The following AGBL4 variants were observed in gnomAD, a reference collection of about 807,000 sequenced individuals.
AGBL4 encodes cytosolic carboxypeptidase 6.
Under a neutral mutation model 66.4 loss-of-function variants are expected in AGBL4, and 58 were observed. The observed-to-expected ratio is 0.87, with a 90% confidence interval of 0.71 to 1.09. The LOEUF (loss-of-function observed/expected upper bound fraction) is 1.09. Ranked by LOEUF, AGBL4 falls within the 50% of genes least tolerant of loss-of-function variation. The probability of loss-of-function intolerance (pLI) is 0.00; values close to 1 mark genes in which losing one functional copy is unlikely to be tolerated. For missense variants in AGBL4, 579 were observed against 631.0 expected, an observed-to-expected ratio of 0.92 and a Z score of 0.88; for synonymous variants, 234 against 222.9, an observed-to-expected ratio of 1.05 and a Z score of -0.44.
intron 11 of AGBL4, among the ~76,000 whole-genome samples, chr1:48,551,979 A>G (rs750791592): frequency 5.9e-5 from 9 of 152,164 alleles, no homozygotes; most frequent in Non-Finnish European, 1.3e-4. Context: ...TCTGGATGAG[A>G]TAACCTTGGT....
intron 4 of AGBL4, among the ~76,000 whole-genome samples, chr1:49,212,477 A>C (rs1481553609): frequency 6.6e-6 from 1 of 152,182 alleles, no homozygotes; most frequent in East Asian, 1.9e-4. Context: ...CAGAAATTAT[A>C]TTTGCCATCT....
intron 3 of AGBL4, among the ~76,000 whole-genome samples, chr1:49,377,163 CT>C (rs2148565057): frequency 6.6e-6 from 1 of 152,176 alleles, no homozygotes; most frequent in African/African-American, 2.4e-5. Context: ...TGAACACCTA[CT>C]TTCCCCCATC....
chr1:49,507,606 G>A (rs920061226), intron 3 of AGBL4, among the ~76,000 whole-genome samples: 3 of 151,818 alleles, frequency 2.0e-5, no homozygotes, highest in Non-Finnish European at 4.4e-5. Context: ...GAAGCTGCAG[G>A]TTATTCAATT....
chr1:49,142,758 AAATT>A (rs1391772170), intron 4 of AGBL4, among the ~76,000 whole-genome samples: 1 of 152,138 alleles, frequency 6.6e-6, no homozygotes, highest in Non-Finnish European at 1.5e-5. Flanking sequence ...ATAGAAACTT[AAATT>A]AATAATAAAA....
chr1:49,744,578 C>T (rs1246977550), intron 2 of AGBL4, among the ~76,000 whole-genome samples: 4 of 151,866 alleles, frequency 2.6e-5, no homozygotes, highest in Non-Finnish European at 5.9e-5. Flanking sequence ...TGAAAGGACC[C>T]TATATATTAA....
intron 1 of AGBL4, among the ~76,000 whole-genome samples, chr1:49,938,171 C>A (rs1162301030): frequency 6.6e-6 from 1 of 151,518 alleles, no homozygotes; most frequent in Non-Finnish European, 1.5e-5. Flanking sequence ...GATATCACCA[C>A]CAATCCCACA....
intron 5 of AGBL4, among the ~76,000 whole-genome samples, chr1:49,003,877 A>G (rs1261641830): frequency 6.6e-6 from 1 of 152,150 alleles, no homozygotes; most frequent in Admixed American, 6.5e-5. Context: ...TATCACCCAA[A>G]CAGGAGCCAT....
chr1:49,591,121 C>T (rs748059077), intron 3 of AGBL4, among the ~76,000 whole-genome samples: 4 of 151,734 alleles, frequency 2.6e-5, no homozygotes, highest in Non-Finnish European at 5.9e-5. Flanking sequence ...CAGAAAAAAG[C>T]CCTCAATCTA....
intron 7 of AGBL4, among the ~76,000 whole-genome samples, chr1:48,660,433 C>T (rs1646088970): frequency 6.6e-6 from 1 of 152,192 alleles, no homozygotes; most frequent in African/African-American, 2.4e-5. Flanking sequence ...CTGTCCACAC[C>T]TTGGACCTGC....
At chr1:49,630,034 T>C (rs944653112) in intron 3 of AGBL4, among the ~76,000 whole-genome samples, 1 of 152,164 alleles carries the variant, frequency 6.6e-6, no homozygotes, top group African/African-American at 2.4e-5. Context: ...CCTTTGATGG[T>C]CCTCAGACCT....
At chr1:49,489,330 TTTTGAGAG>T in intron 3 of AGBL4, among the ~76,000 whole-genome samples, 1 of 152,128 alleles carries the variant, frequency 6.6e-6, no homozygotes, top group East Asian at 1.9e-4. Context: ...ATATGTTTTC[TTTTGAGAG>T]ATGCCTATTC....
intron 4 of AGBL4, among the ~76,000 whole-genome samples, chr1:49,095,868 A>G (rs1466502437): frequency 6.6e-6 from 1 of 151,666 alleles, no homozygotes; most frequent in Non-Finnish European, 1.5e-5. Context: ...GAGCTTCTGC[A>G]CAGCAAAAGA....
At chr1:49,572,226 T>C (rs1188841907) in intron 3 of AGBL4, among the ~76,000 whole-genome samples, 1 of 152,190 alleles carries the variant, frequency 6.6e-6, no homozygotes, top group Non-Finnish European at 1.5e-5. Context: ...CAAAAAACTT[T>C]ATTACAGATT....
Position 49,081,766 on chromosome 1 carries a change from GT to G in AGBL4, c.378-35967del, listed in dbSNP as rs199624886. ...TAGCATAGTAAAGGAAAAAGCCAAA[GT>G]TTTTTTATACCTCCAATAGAAAAGA... is the stretch of plus-strand genomic sequence containing the variant. On this transcript the variant is annotated intron_variant, in intron 4 of 13. Transcript: ENST00000371839. Among the ~76,000 whole-genome samples, 68 of 152,244 alleles carry G rather than the reference GT, an allele frequency of 4.5e-4. 1 individual carries two copies. In the East Asian group the frequency reaches 6.9e-3, roughly 16 times the overall value.
chr1:50,002,693 T>C (rs1660856218), intron 1 of AGBL4, among the ~76,000 whole-genome samples: 1 of 152,114 alleles, frequency 6.6e-6, no homozygotes. Context: ...TACATGGCCA[T>C]AGAGAACTTC....
intron 4 of AGBL4, among the ~76,000 whole-genome samples, chr1:49,171,100 ATT>A (rs2148163458): frequency 6.6e-6 from 1 of 152,324 alleles, no homozygotes; most frequent in East Asian, 1.9e-4. Flanking sequence ...TTAATGTCAC[ATT>A]GCAAAAGGGT....
intron 6 of AGBL4, among the ~76,000 whole-genome samples, chr1:48,806,617 G>A (rs1645929383): frequency 6.6e-6 from 1 of 152,172 alleles, no homozygotes; most frequent in Non-Finnish European, 1.5e-5. Context: ...CCATAAGCCT[G>A]CTCTTTCTTT....
At chr1:48,921,218 T>C (rs1654048328) in intron 5 of AGBL4, among the ~76,000 whole-genome samples, 1 of 152,090 alleles carries the variant, frequency 6.6e-6, no homozygotes, top group African/African-American at 2.4e-5. Context: ...ATTGAAATAG[T>C]GGTCCTGACT....
intron 1 of AGBL4, among the ~76,000 whole-genome samples, chr1:49,951,083 A>G (rs1656119271): frequency 6.6e-6 from 1 of 151,844 alleles, no homozygotes; most frequent in South Asian, 2.1e-4. Flanking sequence ...TGGGGGGGAT[A>G]GAGGGGAATC....
Sources: gnomAD v4.1 joint callset for allele counts (sites outside exome capture counted in the v4.1 genomes callset) on GRCh38, gnomAD v4.1.1 for gene constraint, MANE v1.5 for transcripts, NCBI Gene and HGNC (gene_info 2026-07-23, HGNC 2026-07-21) for gene names.